Variants in USP15 observed in about 807,000 individuals in gnomAD.
The protein encoded by USP15 is ubiquitin carboxyl-terminal hydrolase 15.
A neutral mutation model predicts 127.1 loss-of-function variants in USP15; 18 were observed. The observed-to-expected ratio is 0.14, with a 90% CI of 0.10 to 0.21. USP15 has a LOEUF of 0.21. USP15 is among the 10% of genes least tolerant of loss of function. The probability of loss-of-function intolerance (pLI) is 1.00; values close to 1 mark genes in which losing one functional copy is unlikely to be tolerated. For synonymous variants in USP15, 364 were observed against 393.7 expected, an observed-to-expected ratio of 0.92 and a Z score of 0.89; for missense variants, 805 against 1,159.9, an observed-to-expected ratio of 0.69 and a Z score of 4.44.
chr12:62,384,230 A>T lies in USP15; in HGVS notation c.1401A>T (p.Pro467=). 6.2e-7 allele frequency: 1 copy of T among 1,612,262 alleles called. No homozygotes were observed. The highest frequency in any genetic ancestry group is 8.5e-7 in the Non-Finnish European group (1 of 1,179,128). The change falls in exon 11 of 22, where the codon CCA becomes CCT. Residue 467 remains proline (P), a synonymous_variant. Transcript: ENST00000280377. ...TFDPFCYLTL[P]LPMKKERTLE... ...ATCCTTTTTGTTACTTGACACTTCC[A>T]TTGCCCATGAAAAAAGAACGCACCT...
chr12:62,361,683 T>C (rs1353547527), intron 8 of USP15, among the ~76,000 whole-genome samples: 7 of 151,904 alleles, frequency 4.6e-5, no homozygotes, highest in African/African-American at 7.2e-5. Flanking sequence ...TAGTCTGTAA[T>C]GGGAACTACA....
rs139925758 is a variant in USP15 at position 62,322,192 on chromosome 12, A to G, written c.621+583A>G. Among the ~76,000 whole-genome samples the G allele has an allele frequency of 4.8e-3, 734 of 152,252 alleles. 3 individuals carry two copies. Among genetic ancestry groups the G allele is most frequent in the African/African-American group, 0.016 (654 of 41,542 alleles). ...GCCCAGGCTGGAGTGCAGTGATGCA[A>G]TCTCGGCTCACTGCAACCTCTGCTT... On this transcript the variant is annotated intron_variant, in intron 5 of 21. Transcript: ENST00000280377.
In USP15 at chr12:62,343,990, G is replaced by A. The variant is rs934588558; in HGVS notation, c.684-5231G>A. On this transcript the variant is annotated intron_variant, in intron 6 of 21. Coordinates refer to ENST00000280377, the MANE Select transcript of USP15 (RefSeq NM_001252078.2). ...CCCACAACACATGGGAATTACAGGA[G>A]CTACAAGATGAGATTTGGGTGGGGA... Among the ~76,000 whole-genome samples the A allele has an allele frequency of 3.9e-5, 6 of 152,224 alleles. No individual in the cohort carries two copies. In the East Asian group the frequency reaches 9.7e-4, roughly 25 times the overall value.
intron 19 of USP15, among the ~76,000 whole-genome samples, chr12:62,395,863 A>G (rs1170047662): frequency 1.3e-5 from 2 of 151,938 alleles, no homozygotes; most frequent in African/African-American, 4.8e-5. Context: ...TTCATTGTGT[A>G]TATGTACCAG....
intron 6 of USP15, among the ~76,000 whole-genome samples, chr12:62,345,552 T>TC (rs762740166): frequency 6.6e-6 from 1 of 152,164 alleles, no homozygotes; most frequent in African/African-American, 2.4e-5. Context: ...TCCAAACTGT[T>TC]CCAACCTCTC....
At chr12:62,298,010 GA>G (rs1260495298) in intron 2 of USP15, among the ~76,000 whole-genome samples, 1 of 152,146 alleles carries the variant, frequency 6.6e-6, no homozygotes, top group Non-Finnish European at 1.5e-5. Flanking sequence ...TACGATAACT[GA>G]AAAATTCACT....
chr12:62,266,798 A>G (rs1210070125), intron 1 of USP15, among the ~76,000 whole-genome samples: 1 of 152,130 alleles, frequency 6.6e-6, no homozygotes, highest in African/African-American at 2.4e-5. Flanking sequence ...CTCATAGTTT[A>G]CTACCAGCGG....
chr12:62,291,825 T>G (rs1200884213), intron 1 of USP15, among the ~76,000 whole-genome samples: 3 of 152,204 alleles, frequency 2.0e-5, no homozygotes, highest in Non-Finnish European at 2.9e-5. Flanking sequence ...AGTGGTATAC[T>G]TGGCTTGTGA....
chr12:62,363,561 AAAT>A (rs2066380953), intron 8 of USP15, among the ~76,000 whole-genome samples: 1 of 152,126 alleles, frequency 6.6e-6, no homozygotes, highest in Non-Finnish European at 1.5e-5. Flanking sequence ...ACCCTGTAAA[AAAT>A]AATGACTGCC....
chr12:62,288,927 C>G (rs991658920), intron 1 of USP15, among the ~76,000 whole-genome samples: 3 of 152,028 alleles, frequency 2.0e-5, no homozygotes, highest in African/African-American at 7.2e-5. Context: ...CTTTGCGTGC[C>G]TGGAGTAAAA....
intron 8 of USP15, among the ~76,000 whole-genome samples, chr12:62,356,788 A>G (rs892073762): frequency 2.6e-5 from 4 of 152,064 alleles, no homozygotes; most frequent in African/African-American, 9.7e-5. Context: ...TAGATGAGGA[A>G]GAAAGCCAAA....
chr12:62,326,709 A>G (rs1311221619), intron 6 of USP15, among the ~76,000 whole-genome samples: 2 of 152,238 alleles, frequency 1.3e-5, no homozygotes, highest in Non-Finnish European at 2.9e-5. Context: ...GGAATTTCAC[A>G]TGTTCTGATA....
At chr12:62,315,305 A>G (rs918572288) in intron 4 of USP15, among the ~76,000 whole-genome samples, 24 of 152,034 alleles carry the variant, frequency 1.6e-4, no homozygotes, top group Admixed American at 1.1e-3. Flanking sequence ...AATACAGTCA[A>G]GTAGCCAAGG....
intron 8 of USP15, among the ~76,000 whole-genome samples, chr12:62,369,012 A>G (rs2066574497): frequency 6.6e-6 from 1 of 152,170 alleles, no homozygotes; most frequent in African/African-American, 2.4e-5. Flanking sequence ...TTGAGTCTCT[A>G]CTATGTGCCA....
intron 2 of USP15, among the ~76,000 whole-genome samples, chr12:62,299,379 G>A (rs1801887861): frequency 6.6e-6 from 1 of 152,136 alleles, no homozygotes. Flanking sequence ...CCAAAGTACT[G>A]GGATTACAGG....
chr12:62,384,319 T>G lies in USP15; in HGVS notation c.1473+17T>G. 1 of 1,384,614 alleles carries G rather than the reference T, an allele frequency of 7.2e-7. No individual in the cohort carries two copies. Among genetic ancestry groups the G allele is most frequent in the Admixed American group, 3.3e-5 (1 of 30,206 alleles). 85.8% of individuals were successfully genotyped at this position (1,384,614 alleles called of 1,614,324 possible). A position where few individuals can be genotyped will look rare whatever the true frequency, so the allele number is the denominator to read the frequency against. On this transcript the variant is annotated intron_variant, in intron 11 of 21. Coordinates refer to ENST00000280377, the MANE Select transcript of USP15 (RefSeq NM_001252078.2). Reference sequence around the variant, plus strand: ...CCTATGCAGGTAAATCATGGGTTGGTTTGTTTTGTTTTTTTTTTTTTTTTT... The same window carrying G: ...CCTATGCAGGTAAATCATGGGTTGGGTTGTTTTGTTTTTTTTTTTTTTTTT...
chr12:62,393,238 C>T lies in USP15; in HGVS notation c.2570+36C>T, dbSNP rs61029355. The T allele has an allele frequency of 3.6e-4, 576 of 1,583,808 alleles. 2 individuals carry two copies. In the African/African-American group the frequency reaches 6.5e-3, roughly 18 times the overall value. ...ATTGTACTTTATAAGCATTGGGCAA[C>T]TCTTCTTTCAAACTTATTTGATGCT... On this transcript the variant is annotated intron_variant, in intron 19 of 21. Coordinates refer to ENST00000280377, the MANE Select transcript of USP15 (RefSeq NM_001252078.2).
In USP15 at chr12:62,327,151, A is replaced by C. The variant is rs181374255; in HGVS notation, c.683+1218A>C. ...CTCCAAAAAATAAATAAATATAAAT[A>C]AATAAAATAAAACTACAATGTACCT... On this transcript the variant is annotated intron_variant, in intron 6 of 21. Coordinates refer to ENST00000280377, the MANE Select transcript of USP15 (RefSeq NM_001252078.2). Among the ~76,000 whole-genome samples, 288 of 152,158 alleles carry C rather than the reference A, an allele frequency of 1.9e-3. 3 individuals carry two copies. Among genetic ancestry groups the C allele is most frequent in the South Asian group, 2.3e-3 (11 of 4,818 alleles).
At chr12:62,399,607 A>G (rs921923061) in intron 20 of USP15, among the ~76,000 whole-genome samples, 6 of 152,156 alleles carry the variant, frequency 3.9e-5, no homozygotes, top group Non-Finnish European at 8.8e-5. Context: ...GAGTTCATAT[A>G]TTGAGAACAG....
Sources: gnomAD v4.1 joint callset for allele counts (sites outside exome capture counted in the v4.1 genomes callset) on GRCh38, gnomAD v4.1.1 for gene constraint, MANE v1.5 for transcripts, NCBI Gene and HGNC (gene_info 2026-07-23, HGNC 2026-07-21) for gene names.